Variants in GSG1L observed in about 807,000 individuals in gnomAD.
GSG1L encodes germ cell-specific gene 1-like protein.
GSG1L carries 24 observed loss-of-function variants against 42.1 expected under a neutral mutation model. The observed-to-expected ratio is 0.57, with a 90% CI of 0.41 to 0.80. The LOEUF (loss-of-function observed/expected upper bound fraction) is 0.80. Among genes scored for constraint, GSG1L ranks in the 30% least tolerant of loss-of-function variants. GSG1L has a pLI of 0.00. For synonymous variants in GSG1L, 215 were observed against 203.5 expected (o/e 1.06, Z -0.48); for missense variants, 445 against 472.2 (o/e 0.94, Z 0.53).
intron 1 of GSG1L, among the ~76,000 whole-genome samples, chr16:28,000,092 CGA>C (rs1567550398): frequency 6.6e-6 from 1 of 152,174 alleles, no homozygotes; most frequent in African/African-American, 2.4e-5. Context: ...GTGTAAGAGA[CGA>C]GTTCAACCTC....
chr16:27,851,048 G>C (rs566188638), intron 3 of GSG1L, among the ~76,000 whole-genome samples: 59 of 152,112 alleles, frequency 3.9e-4, no homozygotes, highest in Non-Finnish European at 7.8e-4. Flanking sequence ...GCAGGGGAGC[G>C]AGAGGGCGAT....
intron 4 of GSG1L, among the ~76,000 whole-genome samples, chr16:27,841,603 G>T (rs933036011): frequency 3.3e-5 from 5 of 152,190 alleles, no homozygotes; most frequent in African/African-American, 4.8e-5. Flanking sequence ...TTAAACAAGA[G>T]AGATGACATG....
At chr16:28,030,161 T>C (rs2085942198) in intron 1 of GSG1L, among the ~76,000 whole-genome samples, 1 of 152,210 alleles carries the variant, frequency 6.6e-6, no homozygotes, top group African/African-American at 2.4e-5. Context: ...CCTCCCCTTG[T>C]CTAGTAGCAG....
intron 1 of GSG1L, among the ~76,000 whole-genome samples, chr16:28,013,219 C>CAAAA (rs34795413): frequency 2.1e-5 from 3 of 142,038 alleles, no homozygotes; most frequent in African/African-American, 5.3e-5. Flanking sequence ...AACTCTGACT[C>CAAAA]AAAAAAAAAA....
chr16:28,058,286 G>C (rs58309550), intron 1 of GSG1L, among the ~76,000 whole-genome samples: 10,151 of 152,194 alleles, frequency 0.067, 1,156 homozygotes, highest in African/African-American at 0.23. Context: ...TAGGAAATGA[G>C]AGCAACCACG....
Position 28,063,201 on chromosome 16 carries a change from G to A in GSG1L, c.224C>T (p.Thr75Ile). 1.6e-6 allele frequency: 2 copies of A among 1,289,626 alleles called. No homozygotes were observed. Among genetic ancestry groups the A allele is most frequent in the South Asian group, 2.3e-5 (1 of 42,860 alleles). The allele number at this position is 1,289,626 out of a possible 1,614,324, so 79.9% of individuals were successfully genotyped here. The change falls in exon 1 of 7, where the codon ACC becomes ATC. Residue 75 changes from threonine to isoleucine, a missense_variant. Physicochemically the swap from Thr to Ile is moderately conservative, Grantham distance 89 (BLOSUM62 -1). Coordinates refer to ENST00000447459, the MANE Select transcript of GSG1L (RefSeq NM_001109763.2). This position sits in a 1 kb window ranked among gnomAD's most constrained non-coding sequence, Gnocchi z 5.8. Reference protein sequence around the residue: ...AAPAAAAAAATASGNGPPGGA... With the variant: ...AAPAAAAAAAIASGNGPPGGA... The stretch of plus-strand genomic sequence containing the variant: ...GCCAGGGGGGCCGTTCCCCGAGGCG[G>A]TGGCGGCGGCGGCGGCGGCGGCGGG...
At chr16:27,936,577 G>A (rs753578948) in intron 2 of GSG1L, among the ~76,000 whole-genome samples, 1 of 152,164 alleles carries the variant, frequency 6.6e-6, no homozygotes, top group Non-Finnish European at 1.5e-5. Flanking sequence ...TTCTCGTACA[G>A]CCTGCAGAAC....
chr16:27,938,166 G>A (rs927381747), intron 2 of GSG1L, among the ~76,000 whole-genome samples: 1 of 152,018 alleles, frequency 6.6e-6, no homozygotes, highest in Non-Finnish European at 1.5e-5. Flanking sequence ...CATTAATAAG[G>A]GAGTGTAGCT....
chr16:28,047,412 A>G (rs2086174041), intron 1 of GSG1L, among the ~76,000 whole-genome samples: 1 of 152,144 alleles, frequency 6.6e-6, no homozygotes. Context: ...AAAAAAAACT[A>G]AAAATTGGGA....
chr16:28,035,179 T>TTTTTGA (rs2086018627), intron 1 of GSG1L, among the ~76,000 whole-genome samples: 1 of 151,514 alleles, frequency 6.6e-6, no homozygotes, highest in South Asian at 2.1e-4. Flanking sequence ...GCTAATGCTG[T>TTTTTGA]TTTTGTTTTT....
At chr16:27,845,828 A>G (rs916726720) in intron 3 of GSG1L, among the ~76,000 whole-genome samples, 4 of 151,902 alleles carry the variant, frequency 2.6e-5, no homozygotes, top group African/African-American at 9.7e-5. Flanking sequence ...TTCCTTATCA[A>G]TTGGTAGGAA....
At chr16:27,977,559 C>CAAAAAAA (rs34588077) in intron 1 of GSG1L, among the ~76,000 whole-genome samples, 1 of 44,946 alleles carries the variant, frequency 2.2e-5, no homozygotes, top group Non-Finnish European at 3.9e-5. Flanking sequence ...CACCCTGCCT[C>CAAAAAAA]AAAAAAAAAA....
intron 2 of GSG1L, among the ~76,000 whole-genome samples, chr16:27,955,957 G>A (rs1197549239): frequency 1.3e-5 from 2 of 151,312 alleles, no homozygotes; most frequent in East Asian, 1.9e-4. Flanking sequence ...AGGAAGGAAG[G>A]ACAGGAGGGA....
At chr16:27,894,222 C>A (rs562082227) in intron 2 of GSG1L, among the ~76,000 whole-genome samples, 1 of 152,200 alleles carries the variant, frequency 6.6e-6, no homozygotes. Flanking sequence ...AGCCCATGGA[C>A]TGTTGTGAGG....
chr16:27,831,705 T>C (rs1204074164), intron 4 of GSG1L, among the ~76,000 whole-genome samples: 1 of 152,188 alleles, frequency 6.6e-6, no homozygotes. Context: ...AGACAGGCAA[T>C]GGCTGGACAG....
intron 2 of GSG1L, among the ~76,000 whole-genome samples, chr16:27,921,616 A>C (rs1406549913): frequency 1.3e-5 from 2 of 152,102 alleles, no homozygotes; most frequent in Non-Finnish European, 2.9e-5. Flanking sequence ...TTTTCCCTCC[A>C]AAACTCCTAC....
chr16:28,028,686 A>C (rs1457653299), intron 1 of GSG1L, among the ~76,000 whole-genome samples: 3 of 151,948 alleles, frequency 2.0e-5, no homozygotes, highest in African/African-American at 7.3e-5. Context: ...CTTGGTGCTG[A>C]TATGTTGTTA....
intron 2 of GSG1L, among the ~76,000 whole-genome samples, chr16:27,924,159 A>G (rs2084564166): frequency 6.6e-6 from 1 of 151,648 alleles, no homozygotes; most frequent in African/African-American, 2.4e-5. Context: ...AATATATAAT[A>G]TATATGCACA....
In GSG1L at chr16:27,818,728, TC is replaced by T. The variant is rs1222664211; in HGVS notation, c.830+10060del. The stretch of plus-strand genomic sequence containing the variant: ...ATGACTGCAGGTAGTAAATTAAGAT[TC>T]CATAACATCACGTAAAAAGGGTCAT... On this transcript the variant is annotated intron_variant, in intron 5 of 6. Transcript: ENST00000447459. Among the ~76,000 whole-genome samples, 3 of 152,064 alleles carry T rather than the reference TC, an allele frequency of 2.0e-5. 1 individual carries two copies. Among genetic ancestry groups the T allele is most frequent in the African/African-American group, 7.2e-5 (3 of 41,392 alleles).
Sources: gnomAD v4.1 joint callset for allele counts (sites outside exome capture counted in the v4.1 genomes callset) on GRCh38, gnomAD v4.1.1 for gene constraint, Gnocchi (gnomAD v3.1) non-coding constraint, MANE v1.5 for transcripts, NCBI Gene and HGNC (gene_info 2026-07-23, HGNC 2026-07-21) for gene names.